The following CCNT2 variants were observed in gnomAD, a reference collection of about 807,000 sequenced individuals.
The protein encoded by CCNT2 is cyclin-T2.
Under a neutral mutation model 70.0 loss-of-function variants are expected in CCNT2, and 18 were observed. That is an observed-to-expected ratio of 0.26 (90% CI 0.18 to 0.38). CCNT2 has a LOEUF of 0.38. CCNT2 is among the 10% of genes least tolerant of loss of function. CCNT2 has a pLI of 1.00. For synonymous variants in CCNT2, 334 were observed against 313.3 expected (o/e 1.07, Z -0.70); for missense variants, 734 against 890.2 (o/e 0.82, Z 2.23).
At chr2:134,936,225 A>G (rs959080573) in intron 2 of CCNT2, among the ~76,000 whole-genome samples, 1 of 151,052 alleles carries the variant, frequency 6.6e-6, no homozygotes, top group Non-Finnish European at 1.5e-5. Context: ...GTGCAAATTA[A>G]TATTATTTAA....
At chr2:134,927,426 TTTG>T (rs1275552964) in intron 2 of CCNT2, among the ~76,000 whole-genome samples, 1 of 152,232 alleles carries the variant, frequency 6.6e-6, no homozygotes, top group Non-Finnish European at 1.5e-5. Context: ...GCTCATCCTT[TTTG>T]TTGAGTCATC....
In CCNT2 at chr2:134,953,682, A is replaced by G. The variant is rs774172004; in HGVS notation, c.1227A>G (p.Glu409=). ...CAGATCATTCTTCTGTTAAGCAAGAATATACTCATAAAGCAGGGAGCAGTA... is the reference window on the plus strand; with the variant it reads ...CAGATCATTCTTCTGTTAAGCAAGAGTATACTCATAAAGCAGGGAGCAGTA... ...KISDHSSVKQ[E]YTHKAGSSKH... is the part of the protein sequence containing the mutation. Residue 409 remains glutamate, a synonymous_variant, in exon 9 of 9, where the codon GAA becomes GAG. Coordinates refer to ENST00000264157, the MANE Select transcript of CCNT2 (RefSeq NM_058241.3). 1.2e-6 allele frequency: 2 copies of G among 1,614,038 alleles called. No individual in the cohort carries two copies. The highest frequency in any genetic ancestry group is 1.7e-6 in the Non-Finnish European group (2 of 1,179,878).
chr2:134,929,613 C>CAGAGAGAGAGAGAGAGAGAGAGAGAG (rs140163816), intron 2 of CCNT2, among the ~76,000 whole-genome samples: 1,210 of 117,490 alleles, frequency 0.01, 27 homozygotes, highest in Admixed American at 0.016. Context: ...GTCTCAAAAA[C>CAGAGAGAGAGAGAGAGAGAGAGAGAG]AGAGAGAGAG....
intron 2 of CCNT2, among the ~76,000 whole-genome samples, chr2:134,920,747 G>T (rs551359911): frequency 6.6e-6 from 1 of 152,264 alleles, no homozygotes; most frequent in East Asian, 1.9e-4. Flanking sequence ...AAAGGTATGT[G>T]TAGAAAAATG....
Position 134,954,419 on chromosome 2 carries a change from T to C in CCNT2, c.1964T>C (p.Ile655Thr). ...SSSSSSVKQY[I>T]SSHNSVFNHP... is the part of the protein sequence containing the mutation. ...TCTTCCTCCTCTGTTAAGCAGTATA[T>C]ATCCTCTCACAACTCTGTTTTTAAC... The change falls in exon 9 of 9, where the codon ATA becomes ACA. Residue 655 changes from isoleucine (I) to threonine (T), a missense_variant. Ile to Thr is a moderately conservative substitution (Grantham distance 89). Around this residue, in one of 3 missense-constraint regions of CCNT2, gnomAD observed 532 missense variants for 556.9 expected, o/e 0.96. Transcript: ENST00000264157. The C allele has an allele frequency of 6.2e-7, 1 of 1,614,056 alleles. No homozygotes were observed. Among genetic ancestry groups the C allele is most frequent in the Non-Finnish European group, 8.5e-7 (1 of 1,179,916 alleles).
At chr2:134,930,812 G>C (rs1680695357) in intron 2 of CCNT2, among the ~76,000 whole-genome samples, 1 of 151,856 alleles carries the variant, frequency 6.6e-6, no homozygotes, top group Non-Finnish European at 1.5e-5. Flanking sequence ...TCTGTAACTT[G>C]TGTTCTTGAT....
intron 2 of CCNT2, among the ~76,000 whole-genome samples, chr2:134,932,877 A>G (rs899435128): frequency 1.3e-5 from 2 of 152,216 alleles, no homozygotes; most frequent in African/African-American, 4.8e-5. Flanking sequence ...ATAAGCCTGT[A>G]GTAAGGTTAT....
At chr2:134,942,763 T>C (rs1294457457) in intron 5 of CCNT2, 89 bp downstream of exon 5, 5 of 1,420,678 alleles carry the variant, frequency 3.5e-6, no homozygotes, top group Non-Finnish European at 4.7e-6. Flanking sequence ...TTCTAGCCTT[T>C]TGTTAGGTTT....
At chr2:134,942,744 AT>A (rs1681666995) in intron 5 of CCNT2, 70 bp downstream of exon 5, 1 of 1,454,184 alleles carries the variant, frequency 6.9e-7, no homozygotes, top group Non-Finnish European at 9.3e-7. Flanking sequence ...TTTGGGTGCT[AT>A]TTTGTTTTTC....
Position 134,939,050 on chromosome 2 carries a change from C to A in CCNT2, c.418C>A (p.Leu140Ile). The A allele has an allele frequency of 6.2e-7, 1 of 1,608,136 alleles. No individual in the cohort carries two copies. The highest frequency in any genetic ancestry group is 8.5e-7 in the Non-Finnish European group (1 of 1,175,046). The change falls in exon 4 of 9, where the codon CTA (leucine) becomes ATA (isoleucine). Residue 140 changes from leucine to isoleucine, a missense_variant. Transcript: ENST00000264157. ...ACTGGTTATACTTGAAACCATAATGCTACAAACTCTAGGTACGTACTTACA... is the reference window on the plus strand; with the variant it reads ...ACTGGTTATACTTGAAACCATAATGATACAAACTCTAGGTACGTACTTACA... ...QELVILETIM[L>I]QTLGFEITIE... is the part of the protein sequence containing the mutation.
At chr2:134,931,284 T>C (rs1249481318) in intron 2 of CCNT2, among the ~76,000 whole-genome samples, 1 of 145,130 alleles carries the variant, frequency 6.9e-6, no homozygotes, top group South Asian at 2.4e-4. Flanking sequence ...TTTTTTTTTT[T>C]TTTGGTATTT....
intron 7 of CCNT2, among the ~76,000 whole-genome samples, chr2:134,952,293 T>A (rs1489560295): frequency 2.0e-5 from 3 of 152,320 alleles, no homozygotes; most frequent in African/African-American, 7.2e-5. Context: ...TGTCCACTAA[T>A]TTTAAAGAAT....
rs73959211 is a variant in CCNT2 at position 134,919,924 on chromosome 2, A to T, written c.240+33A>T. On this transcript the variant is annotated intron_variant, in intron 2 of 8. Coordinates refer to ENST00000264157, the MANE Select transcript of CCNT2 (RefSeq NM_058241.3). Reference sequence around the variant, plus strand: ...CTAGTTGTCTGTTTTTACTGTCCGCAAATTTGAGGGTAAATCGATACGCAG... The same window carrying T: ...CTAGTTGTCTGTTTTTACTGTCCGCTAATTTGAGGGTAAATCGATACGCAG... The T allele has an allele frequency of 6.1e-4, 876 of 1,446,268 alleles. 2 individuals carry two copies. In the African/African-American group the frequency reaches 0.011, roughly 17 times the overall value. The allele number at this position is 1,446,268 out of a possible 1,614,324, so 89.6% of individuals were successfully genotyped here. A position where few individuals can be genotyped will look rare whatever the true frequency, so the allele number is the denominator to read the frequency against.
intron 1 of CCNT2, 79 bp from the exon 2 acceptor site, chr2:134,919,731 A>C (rs905391021): frequency 1.8e-6 from 2 of 1,133,480 alleles, no homozygotes; most frequent in Non-Finnish European, 2.6e-6. Context: ...TTGGAAAAGA[A>C]CCTGGGAATT....
At position 134,955,666 on chromosome 2, in the gene CCNT2, A is replaced by T. The variant is rs1380454104; in HGVS notation, c.*1018A>T. The T allele has an allele frequency of 2.0e-5, 3 of 152,638 alleles. No individual in the cohort carries two copies. Among genetic ancestry groups the T allele is most frequent in the Admixed American group, 2.0e-4 (3 of 15,270 alleles). 9.5% of individuals were successfully genotyped at this position (152,638 alleles called of 1,614,324 possible). On this transcript the variant is annotated 3_prime_UTR_variant, in exon 9 of 9. Transcript: ENST00000264157. ...AAACAGGGATCACTTTTCCTTTAGCATTCAGAATGACACCATATTCTTAAA... is the reference window on the plus strand; with the variant it reads ...AAACAGGGATCACTTTTCCTTTAGCTTTCAGAATGACACCATATTCTTAAA...
intron 4 of CCNT2, among the ~76,000 whole-genome samples, chr2:134,941,084 AATATGAT>A (rs1200597449): frequency 6.6e-6 from 1 of 152,200 alleles, no homozygotes; most frequent in African/African-American, 2.4e-5. Context: ...TATGGACTCT[AATATGAT>A]TGGAGAGAAG....
Position 134,954,357 on chromosome 2 carries a change from G to C in CCNT2, c.1902G>C (p.Met634Ile). 1 of 1,614,168 alleles carries C rather than the reference G, an allele frequency of 6.2e-7. No homozygotes were observed. Among genetic ancestry groups the C allele is most frequent in the Non-Finnish European group, 8.5e-7 (1 of 1,180,040 alleles). Reference sequence around the variant, plus strand: ...CATCTCACAACCACCACTCCAAAATGAGCAAAAGTTCCAAAAGTTCAGGTA... The same window carrying C: ...CATCTCACAACCACCACTCCAAAATCAGCAAAAGTTCCAAAAGTTCAGGTA... Reference protein sequence around the residue: ...NDASHNHHSKMSKSSKSSGSS... With the variant: ...NDASHNHHSKISKSSKSSGSS... Residue 634 changes from methionine to isoleucine, a missense_variant, in exon 9 of 9, where the codon ATG (methionine) becomes ATC (isoleucine). Coordinates refer to ENST00000264157, the MANE Select transcript of CCNT2 (RefSeq NM_058241.3).
chr2:134,931,485 A>G (rs1434496529), intron 2 of CCNT2, among the ~76,000 whole-genome samples: 1 of 151,746 alleles, frequency 6.6e-6, no homozygotes, highest in African/African-American at 2.4e-5. Flanking sequence ...TTTTGAATTT[A>G]GGAAATATGA....
At chr2:134,944,043 G>A (rs985816526) in intron 5 of CCNT2, 10 of 984,870 alleles carry the variant, frequency 1.0e-5, no homozygotes, top group Non-Finnish European at 1.2e-5. Flanking sequence ...AGTGTCATTA[G>A]GAAGTAGACA....
Sources: allele counts gnomAD v4.1 joint callset (sites outside exome capture counted in the v4.1 genomes callset), GRCh38; gene constraint gnomAD v4.1.1; regional missense constraint gnomAD v4.1.1; transcripts MANE v1.5; gene names NCBI Gene and HGNC (gene_info 2026-07-23, HGNC 2026-07-21).